PPARG: variants seen among roughly 807,000 people sequenced by gnomAD.
PPARG encodes peroxisome proliferator activated receptor gamma.
A neutral mutation model predicts 39.2 loss-of-function variants in PPARG; 17 were observed. That is an observed-to-expected ratio of 0.43 (90% CI 0.30 to 0.65). PPARG has a LOEUF of 0.65. PPARG is among the 30% of genes least tolerant of loss of function. The probability of loss-of-function intolerance (pLI) is 0.13; values close to 1 mark genes in which losing one functional copy is unlikely to be tolerated. For synonymous variants in PPARG, 223 were observed against 215.7 expected, an observed-to-expected ratio of 1.03 and a Z score of -0.30; for missense variants, 406 against 585.9, an observed-to-expected ratio of 0.69 and a Z score of 3.17.
upstream of PPARG, among the ~76,000 whole-genome samples, chr3:12,288,250 G>C (rs925009201): frequency 1.8e-4 from 28 of 151,930 alleles, no homozygotes; most frequent in Non-Finnish European, 3.5e-4. Context: ...ACGGGTCGCG[G>C]GCGGGCGGCT....
chr3:12,429,078 T>G (rs1053207950), intron 7 of PPARG, among the ~76,000 whole-genome samples: 2 of 152,192 alleles, frequency 1.3e-5, no homozygotes, highest in African/African-American at 4.8e-5. Flanking sequence ...CTAAACCATC[T>G]TGCCTTAACG....
intron 2 of PPARG, among the ~76,000 whole-genome samples, chr3:12,320,548 C>A (rs1463959280): frequency 6.6e-6 from 1 of 152,132 alleles, no homozygotes; most frequent in Non-Finnish European, 1.5e-5. Context: ...GAAATATAGG[C>A]CAGACACAGT....
rs182733476 is a variant in PPARG at position 12,316,563 on chromosome 3, G to T, written c.-9+4110G>T. ...ATGCCATTGAATGCACACTTAAAAT[G>T]GTTAAAATGGTAAATTTTATATTGT... On this transcript the variant is annotated intron_variant, in intron 2 of 7. Coordinates refer to ENST00000651735, the MANE Select transcript of PPARG (RefSeq NM_138711.6). Among the ~76,000 whole-genome samples the T allele has an allele frequency of 1.6e-3, 247 of 151,934 alleles. 1 individual carries two copies. Among genetic ancestry groups the T allele is most frequent in the African/African-American group, 5.7e-3 (237 of 41,440 alleles).
At chr3:12,353,784 G>A (rs187043719) in intron 2 of PPARG, among the ~76,000 whole-genome samples, 18 of 152,208 alleles carry the variant, frequency 1.2e-4, no homozygotes, top group African/African-American at 4.1e-4. Context: ...TTTATCAAGA[G>A]CTCCTCAAGC....
intron 2 of PPARG, among the ~76,000 whole-genome samples, chr3:12,372,550 G>C (rs909567794): frequency 6.6e-6 from 1 of 152,146 alleles, no homozygotes; most frequent in African/African-American, 2.4e-5. Flanking sequence ...TTAGTGTCCT[G>C]TTAGTATTAG....
Position 12,321,420 on chromosome 3 carries a change from G to T in PPARG, c.-9+8967G>T, listed in dbSNP as rs544705056. Among the ~76,000 whole-genome samples, 5 of 152,268 alleles carry T rather than the reference G, an allele frequency of 3.3e-5. No individual in the cohort carries two copies. The South Asian group carries it at 1.0e-3, about 32-fold the overall frequency. On this transcript the variant is annotated intron_variant, in intron 2 of 7. Transcript: ENST00000651735. Reference sequence around the variant, plus strand: ...TAATTCATTTTTTTGATACACTTCTGCCCCCAGGTGCCAAATGCTACAGGG... The same window carrying T: ...TAATTCATTTTTTTGATACACTTCTTCCCCCAGGTGCCAAATGCTACAGGG...
intron 2 of PPARG, among the ~76,000 whole-genome samples, chr3:12,360,574 CA>C (rs11394520): frequency 7.2e-4 from 91 of 126,790 alleles, no homozygotes; most frequent in African/African-American, 1.3e-3. Flanking sequence ...AGCACCCAGA[CA>C]AAAAAAAAAA....
intron 5 of PPARG, among the ~76,000 whole-genome samples, chr3:12,394,268 T>C (rs1188453245): frequency 1.3e-5 from 2 of 152,200 alleles, no homozygotes; most frequent in Non-Finnish European, 1.5e-5. Context: ...TAAAAAATTA[T>C]CACTTCACAC....
In PPARG at chr3:12,381,390, C is replaced by T; in HGVS notation, c.289C>T (p.His97Tyr). The change falls in exon 4 of 8, where the codon CAT becomes TAT. Residue 97 changes from histidine (H) to tyrosine (Y), a missense_variant. Coordinates refer to ENST00000651735, the MANE Select transcript of PPARG (RefSeq NM_138711.6). Reference protein sequence around the residue: ...SEKTQLYNKPHEEPSNSLMAI... With the variant: ...SEKTQLYNKPYEEPSNSLMAI... The stretch of plus-strand genomic sequence containing the variant: ...GAAGACTCAGCTCTACAATAAGCCT[C>T]ATGAAGAGCCTTCCAACTCCCTCAT... The T allele has an allele frequency of 1.9e-6, 3 of 1,613,370 alleles. No individual in the cohort carries two copies. Among genetic ancestry groups the T allele is most frequent in the Middle Eastern group, 1.7e-4 (1 of 6,056 alleles).
chr3:12,349,264 T>A (rs889648234), intron 2 of PPARG, among the ~76,000 whole-genome samples: 3 of 152,230 alleles, frequency 2.0e-5, no homozygotes, highest in Non-Finnish European at 4.4e-5. Context: ...GAAATAAGTC[T>A]TTTCAGTATC....
In PPARG at chr3:12,310,369, C is replaced by T. The variant is rs576019931; in HGVS notation, c.-82-2011C>T. Among the ~76,000 whole-genome samples, 27 of 152,072 alleles carry T rather than the reference C, an allele frequency of 1.8e-4. No homozygotes were observed. In the South Asian group the frequency reaches 4.2e-3, roughly 23 times the overall value. Reference sequence around the variant, plus strand: ...GAAAGCTGGTACAACTTAATCTTAACCTGGAATCAACTCCTTTAATTTTTA... The same window carrying T: ...GAAAGCTGGTACAACTTAATCTTAATCTGGAATCAACTCCTTTAATTTTTA... On this transcript the variant is annotated intron_variant, in intron 1 of 7. Transcript: ENST00000651735.
chr3:12,350,175 A>G (rs1179775791), intron 2 of PPARG, among the ~76,000 whole-genome samples: 1 of 152,192 alleles, frequency 6.6e-6, no homozygotes, highest in Non-Finnish European at 1.5e-5. Flanking sequence ...AATATAGAGA[A>G]AACTAATTTT....
At chr3:12,381,563 A>G in intron 4 of PPARG, 72 bp downstream of exon 4, 1 of 1,475,920 alleles carries the variant, frequency 6.8e-7, no homozygotes, top group Non-Finnish European at 9.4e-7. Flanking sequence ...CCCCTTTTTT[A>G]GGTGATACAA....
At chr3:12,357,522 C>T (rs986117391) in intron 2 of PPARG, among the ~76,000 whole-genome samples, 2 of 152,188 alleles carry the variant, frequency 1.3e-5, no homozygotes, top group African/African-American at 4.8e-5. Flanking sequence ...TACATATCCT[C>T]CCCATTGCCC....
chr3:12,335,547 T>C (rs370695390), intron 2 of PPARG, among the ~76,000 whole-genome samples: 1 of 152,240 alleles, frequency 6.6e-6, no homozygotes, highest in African/African-American at 2.4e-5. Flanking sequence ...TTGAAAGATA[T>C]TAAAATGAGA....
chr3:12,417,758 C>T (rs1450408289), intron 7 of PPARG, among the ~76,000 whole-genome samples: 1 of 152,060 alleles, frequency 6.6e-6, no homozygotes, highest in African/African-American at 2.4e-5. Context: ...GAACCGAACA[C>T]ACAACATAGA....
At chr3:12,334,287 G>C (rs2125054443) in intron 2 of PPARG, among the ~76,000 whole-genome samples, 1 of 150,984 alleles carries the variant, frequency 6.6e-6, no homozygotes, top group Admixed American at 6.6e-5. Context: ...CTGGAGTGCA[G>C]TGGTACGATT....
At chr3:12,421,066 C>T (rs2051243461) in intron 7 of PPARG, among the ~76,000 whole-genome samples, 1 of 152,168 alleles carries the variant, frequency 6.6e-6, no homozygotes, top group African/African-American at 2.4e-5. Flanking sequence ...TCTCATTTCA[C>T]AGAAAGAAAA....
intron 6 of PPARG, among the ~76,000 whole-genome samples, chr3:12,408,381 C>T (rs1477851106): frequency 6.6e-6 from 1 of 152,094 alleles, no homozygotes; most frequent in Non-Finnish European, 1.5e-5. Context: ...TTATAAAGCT[C>T]ATTCGTTCAA....
Sources: allele counts gnomAD v4.1 joint callset (sites outside exome capture counted in the v4.1 genomes callset), GRCh38; gene constraint gnomAD v4.1.1; transcripts MANE v1.5; gene names NCBI Gene and HGNC (gene_info 2026-07-23, HGNC 2026-07-21).